Variants in CSMD1 observed in about 807,000 individuals in gnomAD.
The protein encoded by CSMD1 is CUB and sushi domain-containing protein 1.
In CSMD1, 213 loss-of-function variants were observed where a neutral mutation model predicts 417.5. That is an observed-to-expected ratio of 0.51 (90% confidence interval 0.46 to 0.57). The LOEUF (loss-of-function observed/expected upper bound fraction) is 0.57, where lower values mean the gene tolerates loss of function less well. Among genes scored for constraint, CSMD1 ranks in the 20% least tolerant of loss-of-function variants. The pLI is 0.00. For missense variants in CSMD1, 6,923 were observed against 4,529.7 expected, an observed-to-expected ratio of 1.53 and a Z score of -15.17; for synonymous variants, 2,862 against 1,736.8, an observed-to-expected ratio of 1.65 and a Z score of -16.11.
intron 5 of CSMD1, among the ~76,000 whole-genome samples, chr8:3,829,065 G>A (rs577122983): frequency 3.6e-4 from 54 of 151,626 alleles, no homozygotes; most frequent in African/African-American, 1.3e-3. Flanking sequence ...TGGGGTATAG[G>A]TGGTATTTGT....
intron 3 of CSMD1, among the ~76,000 whole-genome samples, chr8:4,118,942 G>A (rs977401868): frequency 6.6e-6 from 1 of 152,160 alleles, no homozygotes; most frequent in African/African-American, 2.4e-5. Context: ...TCCTTTGGGG[G>A]GACATGGGTG....
At chr8:4,164,110 CTTTTAA>C (rs1271755677) in intron 3 of CSMD1, among the ~76,000 whole-genome samples, 1 of 126,352 alleles carries the variant, frequency 7.9e-6, no homozygotes, top group African/African-American at 2.9e-5. Flanking sequence ...TTAAAGAATA[CTTTTAA>C]ATTTTATTAT....
At chr8:3,693,565 G>C (rs1175570489) in intron 7 of CSMD1, among the ~76,000 whole-genome samples, 2 of 152,078 alleles carry the variant, frequency 1.3e-5, no homozygotes, top group Admixed American at 6.5e-5. Context: ...CCCCAGCACA[G>C]TTCTACAGTG....
At chr8:3,629,497 T>A (rs1796667965) in intron 7 of CSMD1, among the ~76,000 whole-genome samples, 1 of 152,200 alleles carries the variant, frequency 6.6e-6, no homozygotes, top group African/African-American at 2.4e-5. Context: ...CACCTAGCAT[T>A]GCTCAATAAA....
At chr8:4,913,274 G>C (rs985889909) in intron 1 of CSMD1, among the ~76,000 whole-genome samples, 1 of 152,126 alleles carries the variant, frequency 6.6e-6, no homozygotes. Flanking sequence ...CCTGCCACAG[G>C]TTTGTGGATT....
At chr8:4,188,481 A>G (rs991601350) in intron 3 of CSMD1, among the ~76,000 whole-genome samples, 8 of 152,122 alleles carry the variant, frequency 5.3e-5, no homozygotes, top group African/African-American at 1.7e-4. Flanking sequence ...GGGTCCATCA[A>G]CCATGGTTAA....
At chr8:4,349,254 C>T (rs1042356772) in intron 3 of CSMD1, among the ~76,000 whole-genome samples, 1 of 152,136 alleles carries the variant, frequency 6.6e-6, no homozygotes, top group African/African-American at 2.4e-5. Context: ...GTATTTGGTA[C>T]AGACCAGTGG....
At chr8:4,245,526 C>T (rs141074734) in intron 3 of CSMD1, among the ~76,000 whole-genome samples, 1 of 152,258 alleles carries the variant, frequency 6.6e-6, no homozygotes, top group African/African-American at 2.4e-5. Context: ...AATCCATGGT[C>T]TCTCCATGCT....
Position 3,375,744 on chromosome 8 carries a change from T to C in CSMD1, c.2783-6374A>G, listed in dbSNP as rs567696489. Among the ~76,000 whole-genome samples the C allele has an allele frequency of 7.9e-5, 12 of 152,222 alleles. No homozygotes were observed. In the East Asian group the frequency reaches 2.1e-3, roughly 27 times the overall value. On this transcript the variant is annotated intron_variant, in intron 18 of 69. Coordinates refer to ENST00000635120, the MANE Select transcript of CSMD1 (RefSeq NM_033225.6). ...CACCCTCAGAAAAACCCTGGGGTCCTCACAGTGTGATCGCTGGACACTGCA... is the reference window on the plus strand; with the variant it reads ...CACCCTCAGAAAAACCCTGGGGTCCCCACAGTGTGATCGCTGGACACTGCA...
At chr8:3,848,741 T>C (rs1368381726) in intron 5 of CSMD1, among the ~76,000 whole-genome samples, 1 of 152,124 alleles carries the variant, frequency 6.6e-6, no homozygotes, top group African/African-American at 2.4e-5. Context: ...TAGGTGGTCC[T>C]GAACTACATG....
chr8:4,529,924 T>C (rs1416477189), intron 2 of CSMD1, among the ~76,000 whole-genome samples: 1 of 151,738 alleles, frequency 6.6e-6, no homozygotes, highest in East Asian at 1.9e-4. Flanking sequence ...TATTTTTGTT[T>C]GTCTGTTTGA....
intron 3 of CSMD1, among the ~76,000 whole-genome samples, chr8:4,318,310 C>G (rs1010772825): frequency 1.3e-5 from 2 of 152,068 alleles, no homozygotes; most frequent in African/African-American, 4.8e-5. Context: ...CAGACAAAAT[C>G]TAAAATCTTT....
In CSMD1 at chr8:3,128,962, C is replaced by T. The variant is rs1290364355; in HGVS notation, c.6242-10375G>A. The T allele has an allele frequency of 6.0e-5, 25 of 417,736 alleles. No homozygotes were observed. In the Admixed American group the frequency reaches 6.2e-4, roughly 10 times the overall value. 25.9% of individuals were successfully genotyped at this position (417,736 alleles called of 1,614,324 possible). Reference sequence around the variant, plus strand: ...TATCTCACAAATCCTTTAAAAGCTGCGTGACAAACAATACTAGCATGGAGT... The same window carrying T: ...TATCTCACAAATCCTTTAAAAGCTGTGTGACAAACAATACTAGCATGGAGT... On this transcript the variant is annotated intron_variant, in intron 41 of 69. Transcript: ENST00000635120.
intron 49 of CSMD1, among the ~76,000 whole-genome samples, chr8:3,067,136 G>A (rs1045253729): frequency 5.3e-5 from 8 of 152,060 alleles, no homozygotes; most frequent in African/African-American, 1.9e-4. Context: ...TGGACCCCAC[G>A]TATGCACCTC....
chr8:3,194,644 A>G (rs866234259), intron 33 of CSMD1, among the ~76,000 whole-genome samples: 1 of 139,710 alleles, frequency 7.2e-6, no homozygotes, highest in African/African-American at 2.6e-5. Context: ...TTTTTTTTGT[A>G]CTTTTAGTAG....
chr8:3,350,153 GTA>G (rs1349932021), intron 21 of CSMD1, among the ~76,000 whole-genome samples: 2 of 49,100 alleles, frequency 4.1e-5, no homozygotes, highest in East Asian at 5.3e-4. Flanking sequence ...AATAACTTGT[GTA>G]TGTGTGTGTT....
At chr8:4,239,775 C>G (rs981595098) in intron 3 of CSMD1, among the ~76,000 whole-genome samples, 2 of 152,174 alleles carry the variant, frequency 1.3e-5, no homozygotes, top group Non-Finnish European at 2.9e-5. Context: ...GTCTATCTTT[C>G]ACGTTAGTTC....
At chr8:4,962,542 G>C (rs1468121568) in intron 1 of CSMD1, among the ~76,000 whole-genome samples, 1 of 152,108 alleles carries the variant, frequency 6.6e-6, no homozygotes, top group African/African-American at 2.4e-5. Flanking sequence ...GAAGCATGGA[G>C]GACATTTTCT....
chr8:4,177,893 C>G (rs1419783101), intron 3 of CSMD1, among the ~76,000 whole-genome samples: 1 of 151,834 alleles, frequency 6.6e-6, no homozygotes, highest in African/African-American at 2.4e-5. Context: ...GAAGTTAAAT[C>G]TCTGAATAGA....
Sources: allele counts gnomAD v4.1 joint callset (sites outside exome capture counted in the v4.1 genomes callset), GRCh38; gene constraint gnomAD v4.1.1; transcripts MANE v1.5; gene names NCBI Gene and HGNC (gene_info 2026-07-23, HGNC 2026-07-21).